Variants in PAX8 observed in about 807,000 individuals in gnomAD.
The protein encoded by PAX8 is paired box 8, also known as paired box protein Pax-8.
In PAX8, 15 loss-of-function variants were observed where a neutral mutation model predicts 52.4. That is an observed-to-expected ratio of 0.29 (90% CI 0.19 to 0.44). PAX8 has a LOEUF of 0.44. Ranked by LOEUF, PAX8 falls within the 20% of genes least tolerant of loss-of-function variation. PAX8 has a pLI of 1.00. For missense variants in PAX8, 554 were observed against 602.5 expected (o/e 0.92, Z 0.84); for synonymous variants, 284 against 249.7 (o/e 1.14, Z -1.29).
Position 113,235,507 on chromosome 2 carries a change from G to A in PAX8, c.974C>T (p.Ser325Phe), listed in dbSNP as rs779235186. The change falls in exon 9 of 12, where the codon TCT becomes TTT. Residue 325 changes from serine (S) to phenylalanine (F), a missense_variant. By Grantham distance (155) the Ser-to-Phe change is radical (BLOSUM62 -2). This residue lies in a region of PAX8 where 445 missense variants were observed against 409.9 expected (regional missense o/e 1.09). Transcript: ENST00000429538. ...SSSSSTPSSL[S>F]SSAFLDLQQV... The stretch of plus-strand genomic sequence containing the variant: ...CTGCAGATCCAAAAAGGCGGAGCTA[G>A]ATAAAGAGGAAGGGGTGGAGCTAGA... 5.0e-6 allele frequency: 8 copies of A among 1,613,842 alleles called. No individual in the cohort carries two copies. The East Asian group carries it at 1.6e-4, about 31-fold the overall frequency.
At position 113,217,919 on chromosome 2, in the gene PAX8, C is replaced by T. The variant is rs1689080566; in HGVS notation, c.*614G>A. 4.3e-6 allele frequency: 1 copy of T among 233,282 alleles called. No homozygotes were observed. The highest frequency in any genetic ancestry group is 2.2e-5 in the African/African-American group (1 of 45,336). 14.5% of individuals were successfully genotyped at this position (233,282 alleles called of 1,614,324 possible). ...ACAGCCTGGTGGAATTTCTGAGGGACTCGCTCCAGCCCTCAGCCCATGCCC... is the reference window on the plus strand; with the variant it reads ...ACAGCCTGGTGGAATTTCTGAGGGATTCGCTCCAGCCCTCAGCCCATGCCC... On this transcript the variant is annotated 3_prime_UTR_variant, in exon 12 of 12. Transcript: ENST00000429538.
chr2:113,268,646 A>G (rs1693253219), intron 2 of PAX8: 1 of 152,256 alleles, frequency 6.6e-6, no homozygotes, highest in South Asian at 2.1e-4. Flanking sequence ...ATGCCGTACA[A>G]ACAGAGTGCT....
At chr2:113,270,865 T>A (rs1167710922) in intron 2 of PAX8, 2 of 152,166 alleles carry the variant, frequency 1.3e-5, no homozygotes, top group African/African-American at 4.8e-5. Flanking sequence ...GAAAAAAAGT[T>A]AAAAGCAGGG....
chr2:113,242,059 C>T lies in PAX8; in HGVS notation c.550G>A (p.Gly184Arg), dbSNP rs775522585. 1 of 1,613,702 alleles carries T rather than the reference C, an allele frequency of 6.2e-7. No homozygotes were observed. The highest frequency in any genetic ancestry group is 8.5e-7 in the Non-Finnish European group (1 of 1,179,810). The change falls in exon 6 of 12, where the codon GGG (glycine) becomes AGG (arginine). Residue 184 changes from glycine (G) to arginine (R), a missense_variant. Physicochemically the swap from Gly to Arg is moderately radical, Grantham distance 125 (BLOSUM62 -2). This residue lies in a region of PAX8 where 445 missense variants were observed against 409.9 expected (regional missense o/e 1.09). Coordinates refer to ENST00000429538, the MANE Select transcript of PAX8 (RefSeq NM_003466.4). ...CCAGGCTGAGCGATGCCCAGGAGCC[C>T]ATTGATGGAGTAGGTGGAGCCCAGG... ...DSLGSTYSIN[G>R]LLGIAQPGSD...
chr2:113,218,215 A>C lies in PAX8; in HGVS notation c.*318T>G. On this transcript the variant is annotated 3_prime_UTR_variant, in exon 12 of 12. Transcript: ENST00000429538. ...CGCCATCCCCCCAAGTTCCTCGGCT[A>C]TTGCTTCTTCTCTCCTTTGGTGGGT... The C allele has an allele frequency of 3.3e-6, 1 of 304,056 alleles. No individual in the cohort carries two copies. Among genetic ancestry groups the C allele is most frequent in the Non-Finnish European group, 6.0e-6 (1 of 165,502 alleles). The allele number at this position is 304,056 out of a possible 1,614,324, so 18.8% of individuals were successfully genotyped here.
intron 2 of PAX8, chr2:113,273,636 C>T (rs536983345): frequency 5.3e-5 from 8 of 152,292 alleles, no homozygotes; most frequent in African/African-American, 1.9e-4. Context: ...CATCCCCCTC[C>T]CCAAGTCACA....
At chr2:113,235,080 T>A (rs889429880) in intron 9 of PAX8, among the ~76,000 whole-genome samples, 12 of 152,270 alleles carry the variant, frequency 7.9e-5, no homozygotes, top group African/African-American at 2.6e-4. Context: ...CATTTTTCCT[T>A]CTATCTATTT....
intron 7 of PAX8, chr2:113,237,486 C>T (rs1391842149): frequency 6.6e-6 from 1 of 152,208 alleles, no homozygotes; most frequent in Admixed American, 6.5e-5. Context: ...TCTCTCTCCA[C>T]ATCCAAACAA....
At chr2:113,248,818 TA>T (rs1691532482) in intron 2 of PAX8, among the ~76,000 whole-genome samples, 1 of 150,672 alleles carries the variant, frequency 6.6e-6, no homozygotes, top group African/African-American at 2.4e-5. Context: ...AAAAAAAAAC[TA>T]GCTGGGCATG....
At chr2:113,235,325 G>T (rs1478878647) in intron 9 of PAX8, 69 bp downstream of exon 9, 17 of 1,333,880 alleles carry the variant, frequency 1.3e-5, no homozygotes, top group East Asian at 2.5e-5. Flanking sequence ...GGGGGCTGGC[G>T]GTCTGCCCTG....
At chr2:113,244,682 G>C in intron 3 of PAX8, 58 bp from the exon 4 acceptor site, 1 of 1,523,336 alleles carries the variant, frequency 6.6e-7, no homozygotes, top group Non-Finnish European at 9.1e-7. Context: ...TCTTTAGACA[G>C]GGATTTAGCC....
intron 2 of PAX8, among the ~76,000 whole-genome samples, chr2:113,257,159 AT>A (rs1692322771): frequency 6.6e-6 from 1 of 152,132 alleles, no homozygotes; most frequent in African/African-American, 2.4e-5. Flanking sequence ...TCTTGCCTGG[AT>A]TGATTTCTCT....
At chr2:113,253,739 T>C (rs969479295) in intron 2 of PAX8, among the ~76,000 whole-genome samples, 3 of 152,224 alleles carry the variant, frequency 2.0e-5, no homozygotes, top group African/African-American at 7.2e-5. Context: ...TCTAATAACA[T>C]GCTTTACCTT....
At chr2:113,262,810 G>T (rs1692782452) in intron 2 of PAX8, among the ~76,000 whole-genome samples, 1 of 152,142 alleles carries the variant, frequency 6.6e-6, no homozygotes, top group Admixed American at 6.5e-5. Flanking sequence ...TACGAGAGAG[G>T]CACAGAACAG....
intron 9 of PAX8, among the ~76,000 whole-genome samples, chr2:113,233,325 C>T (rs1288352981): frequency 2.7e-4 from 13 of 48,110 alleles, no homozygotes; most frequent in African/African-American, 4.1e-4. Context: ...CTGGGATGTA[C>T]GGAGGAAAAA....
At chr2:113,241,144 G>T (rs1266781920) in intron 7 of PAX8, 2 of 350,812 alleles carry the variant, frequency 5.7e-6, no homozygotes, top group Non-Finnish European at 1.1e-5. Context: ...AGTAATGCAA[G>T]AGCATGGGGT....
rs368339001 is a variant in PAX8 at position 113,242,703 on chromosome 2, G to T, written c.465C>A (p.Pro155=). 3 of 1,612,666 alleles carry T rather than the reference G, an allele frequency of 1.9e-6. No homozygotes were observed. Among genetic ancestry groups the T allele is most frequent in the Non-Finnish European group, 2.5e-6 (3 of 1,178,760 alleles). The change falls in exon 5 of 12, where the codon CCC becomes CCA. Residue 155 remains proline (P), a synonymous_variant. Coordinates refer to ENST00000429538, the MANE Select transcript of PAX8 (RefSeq NM_003466.4). ...CTCAGCACTCACTCAGCGTGTGTCCGGGACTCAGGGACTTGGTGGCCACGC... is the reference window on the plus strand; with the variant it reads ...CTCAGCACTCACTCAGCGTGTGTCCTGGACTCAGGGACTTGGTGGCCACGC... ...DSCVATKSLS[P]GHTLIPSSAV... is the part of the protein sequence containing the mutation.
At chr2:113,262,558 T>C (rs1346386162) in intron 2 of PAX8, among the ~76,000 whole-genome samples, 2 of 152,026 alleles carry the variant, frequency 1.3e-5, no homozygotes, top group African/African-American at 4.8e-5. Context: ...AATACTTAGG[T>C]GTTATGAATT....
At chr2:113,259,428 C>T (rs75788139) in intron 2 of PAX8, 6,310 of 153,278 alleles carry the variant, frequency 0.041, 243 homozygotes, top group South Asian at 0.15. Flanking sequence ...CTTTGAATCT[C>T]GTTGTCAAGT....
Sources: gnomAD v4.1 joint callset for allele counts (sites outside exome capture counted in the v4.1 genomes callset) on GRCh38, gnomAD v4.1.1 for gene constraint, gnomAD v4.1.1 regional missense constraint, MANE v1.5 for transcripts, NCBI Gene and HGNC (gene_info 2026-07-23, HGNC 2026-07-21) for gene names.